The following RORA variants were observed in gnomAD, a reference collection of about 807,000 sequenced individuals.
RORA encodes the protein RAR related orphan receptor A.
A neutral mutation model predicts 69.5 loss-of-function variants in RORA; 7 were observed. The ratio of observed to expected loss-of-function variants is 0.10; its 90% CI spans 0.06 to 0.19. The LOEUF is 0.19. Among genes scored for constraint, RORA ranks in the 10% least tolerant of loss-of-function variants. The probability of loss-of-function intolerance (pLI) is 1.00; values close to 1 mark genes in which losing one functional copy is unlikely to be tolerated. For synonymous variants in RORA, 261 were observed against 240.8 expected, an observed-to-expected ratio of 1.08 and a Z score of -0.78; for missense variants, 457 against 663.0, an observed-to-expected ratio of 0.69 and a Z score of 3.41.
rs2065011359 is a variant in RORA, at chr15:60,489,725, G to T, written c.*7730C>A. On this transcript the variant is annotated 3_prime_UTR_variant, in exon 11 of 11. Transcript: ENST00000335670. Reference sequence around the variant, plus strand: ...CGTCTCCATCCTTCTCATGACTCAGGTAGGAGGGGAAAGGTTTATTCTGCC... The same window carrying T: ...CGTCTCCATCCTTCTCATGACTCAGTTAGGAGGGGAAAGGTTTATTCTGCC... 1 of 152,096 alleles carries T rather than the reference G, an allele frequency of 6.6e-6. No homozygotes were observed. 9.4% of individuals were successfully genotyped at this position (152,096 alleles called of 1,614,324 possible).
intron 1 of RORA, among the ~76,000 whole-genome samples, chr15:60,981,674 T>C (rs182515795): frequency 2.3e-4 from 35 of 152,188 alleles, no homozygotes; most frequent in African/African-American, 7.0e-4. Context: ...TATCTCTTTA[T>C]TGGTATTCAC....
At chr15:60,712,473 T>C (rs879339513) in intron 1 of RORA, among the ~76,000 whole-genome samples, 1 of 152,218 alleles carries the variant, frequency 6.6e-6, no homozygotes, top group Non-Finnish European at 1.5e-5. Flanking sequence ...AGGTCATGTG[T>C]CAGTTGCCAT....
intron 1 of RORA, chr15:60,681,862 G>T (rs1025192277): frequency 1.3e-5 from 2 of 152,160 alleles, no homozygotes; most frequent in African/African-American, 4.8e-5. Context: ...CAAACCTAGT[G>T]CTACCACCAG....
chr15:60,981,149 A>G (rs771702623), intron 1 of RORA, among the ~76,000 whole-genome samples: 5 of 148,656 alleles, frequency 3.4e-5, no homozygotes, highest in Non-Finnish European at 7.4e-5. Flanking sequence ...TTTGGCCTCC[A>G]TGGTTTGTGA....
intron 1 of RORA, among the ~76,000 whole-genome samples, chr15:61,186,783 A>G (rs1025214356): frequency 1.3e-5 from 2 of 152,142 alleles, no homozygotes; most frequent in African/African-American, 4.8e-5. Context: ...CTCCTCAAAC[A>G]TGAAAACTAC....
At chr15:60,659,496 T>C (rs957350851) in intron 2 of RORA, among the ~76,000 whole-genome samples, 3 of 152,212 alleles carry the variant, frequency 2.0e-5, no homozygotes, top group Admixed American at 6.5e-5. Flanking sequence ...TTTCGCTACC[T>C]GAAAGGAAGG....
At chr15:60,693,890 T>C (rs2070865709) in intron 1 of RORA, among the ~76,000 whole-genome samples, 1 of 152,112 alleles carries the variant, frequency 6.6e-6, no homozygotes, top group African/African-American at 2.4e-5. Context: ...ATAGATTGAA[T>C]GCTATTCCCA....
intron 1 of RORA, among the ~76,000 whole-genome samples, chr15:60,984,944 A>T (rs1478330412): frequency 6.6e-6 from 1 of 152,052 alleles, no homozygotes; most frequent in African/African-American, 2.4e-5. Flanking sequence ...AGTTTAGAAG[A>T]TCTATGCTGT....
intron 1 of RORA, among the ~76,000 whole-genome samples, chr15:61,043,054 T>G (rs1378878924): frequency 2.0e-5 from 3 of 152,156 alleles, no homozygotes; most frequent in Non-Finnish European, 4.4e-5. Flanking sequence ...ACAATGGCGA[T>G]GATGGTGATG....
chr15:60,794,121 C>A (rs2072456542), intron 1 of RORA, among the ~76,000 whole-genome samples: 1 of 152,166 alleles, frequency 6.6e-6, no homozygotes, highest in African/African-American at 2.4e-5. Context: ...ACAGTCACTG[C>A]AAATAACATG....
intron 1 of RORA, among the ~76,000 whole-genome samples, chr15:60,913,064 C>T: frequency 6.6e-6 from 1 of 152,134 alleles, no homozygotes; most frequent in Non-Finnish European, 1.5e-5. Flanking sequence ...CCCATTATAG[C>T]ACTATAGGGT....
chr15:60,621,214 A>T (rs528934955), intron 2 of RORA, among the ~76,000 whole-genome samples: 118 of 151,470 alleles, frequency 7.8e-4, no homozygotes, highest in African/African-American at 1.2e-3. Flanking sequence ...ATATATATAT[A>T]TTTTTTAAGA....
At chr15:60,631,285 C>T (rs952070717) in intron 2 of RORA, among the ~76,000 whole-genome samples, 2 of 152,318 alleles carry the variant, frequency 1.3e-5, no homozygotes, top group African/African-American at 2.4e-5. Context: ...TCTGATTCCA[C>T]ATTTTGATTT....
In RORA at chr15:61,203,001, G is replaced by A. The variant is rs1366809677; in HGVS notation, c.166+26052C>T. 2.0e-5 allele frequency among the ~76,000 whole-genome samples: 3 copies of A among 152,102 alleles called. 1 individual carries two copies. Among genetic ancestry groups the A allele is most frequent in the Non-Finnish European group, 4.4e-5 (3 of 68,022 alleles). On this transcript the variant is annotated intron_variant, in intron 1 of 10. Transcript: ENST00000335670. ...CATATAAGGAACAAGTTCACTATAC[G>A]TAAGATACAAATAACAGAAATTAGT...
At chr15:61,085,482 G>A (rs1174494284) in intron 1 of RORA, among the ~76,000 whole-genome samples, 1 of 152,228 alleles carries the variant, frequency 6.6e-6, no homozygotes, top group East Asian at 1.9e-4. Flanking sequence ...CGAAGACCTT[G>A]TTATAACAGA....
At chr15:60,911,392 C>T (rs1891711575) in intron 1 of RORA, among the ~76,000 whole-genome samples, 2 of 152,142 alleles carry the variant, frequency 1.3e-5, no homozygotes. Context: ...AACATCAGAT[C>T]AACCCAATTT....
chr15:60,833,336 C>T (rs1365554063), intron 1 of RORA, among the ~76,000 whole-genome samples: 1 of 152,146 alleles, frequency 6.6e-6, no homozygotes, highest in Non-Finnish European at 1.5e-5. Context: ...CTGCCTCAGC[C>T]TCCTCAGTAG....
intron 1 of RORA, among the ~76,000 whole-genome samples, chr15:61,145,007 T>C (rs1389461334): frequency 1.3e-5 from 2 of 152,210 alleles, no homozygotes; most frequent in Non-Finnish European, 2.9e-5. Context: ...GAGATACCTA[T>C]CTATAAAGAT....
chr15:60,964,425 C>G (rs535937155), intron 1 of RORA, among the ~76,000 whole-genome samples: 2 of 152,222 alleles, frequency 1.3e-5, no homozygotes, highest in Non-Finnish European at 2.9e-5. Context: ...CCTGGGAAAG[C>G]CCTCCTCTGA....
Sources: allele counts gnomAD v4.1 joint callset (sites outside exome capture counted in the v4.1 genomes callset), GRCh38; gene constraint gnomAD v4.1.1; transcripts MANE v1.5; gene names NCBI Gene and HGNC (gene_info 2026-07-23, HGNC 2026-07-21).